Variants in ETV1 observed in about 807,000 individuals in gnomAD.
ETV1 encodes ETS translocation variant 1.
In ETV1, 27 loss-of-function variants were observed where a neutral mutation model predicts 62.3. The ratio of observed to expected loss-of-function variants is 0.43; its 90% CI spans 0.32 to 0.60. The LOEUF (loss-of-function observed/expected upper bound fraction) is 0.60, where lower values mean the gene tolerates loss of function less well. Ranked by LOEUF, ETV1 falls within the 20% of genes least tolerant of loss-of-function variation. ETV1 has a pLI of 0.06. For missense variants in ETV1, 605 were observed against 605.8 expected (o/e 1.00, Z 0.01); for synonymous variants, 222 against 199.6 (o/e 1.11, Z -0.94).
At chr7:13,909,473 A>G (rs1194177335) in intron 11 of ETV1, among the ~76,000 whole-genome samples, 159 bp downstream of exon 11, 1 of 152,188 alleles carries the variant, frequency 6.6e-6, no homozygotes, top group Non-Finnish European at 1.5e-5. Flanking sequence ...GGCAAGGAAG[A>G]GATAAATTGT....
intron 9 of ETV1, among the ~76,000 whole-genome samples, chr7:13,913,223 C>T (rs142949196): frequency 6.6e-6 from 1 of 152,198 alleles, no homozygotes; most frequent in Admixed American, 6.5e-5. Context: ...ACAACCGTAA[C>T]AAGCTGTAGT....
intron 6 of ETV1, among the ~76,000 whole-genome samples, chr7:13,948,344 A>G (rs2128469222): frequency 6.6e-6 from 1 of 152,332 alleles, no homozygotes; most frequent in East Asian, 1.9e-4. Context: ...TGTGAGTAGC[A>G]AACAATTACC....
intron 6 of ETV1, among the ~76,000 whole-genome samples, chr7:13,962,202 C>CACGT (rs1554308974): frequency 0.019 from 2,847 of 148,860 alleles, 90 homozygotes; most frequent in African/African-American, 0.067. Context: ...CACACACACA[C>CACGT]GTGTGTGTGT....
intron 6 of ETV1, among the ~76,000 whole-genome samples, chr7:13,976,668 T>C (rs1199038289): frequency 6.6e-6 from 1 of 152,220 alleles, no homozygotes; most frequent in Non-Finnish European, 1.5e-5. Flanking sequence ...CTTTGGTCAG[T>C]AGCAGCAGTT....
chr7:13,965,120 T>C (rs1790633455), intron 6 of ETV1, among the ~76,000 whole-genome samples: 1 of 152,172 alleles, frequency 6.6e-6, no homozygotes, highest in Admixed American at 6.5e-5. Flanking sequence ...ATACACCATG[T>C]CTGAAACATT....
chr7:13,925,628 C>G (rs142650368), intron 9 of ETV1, among the ~76,000 whole-genome samples: 7 of 151,118 alleles, frequency 4.6e-5, no homozygotes, highest in Admixed American at 2.0e-4. Context: ...TGCGGTGGCG[C>G]GATCTCAGCT....
intron 6 of ETV1, among the ~76,000 whole-genome samples, chr7:13,949,873 A>G (rs1033471662): frequency 2.0e-5 from 3 of 152,210 alleles, no homozygotes; most frequent in Admixed American, 2.0e-4. Context: ...ACCATAGCAC[A>G]GCAAGTTGAT....
At chr7:13,953,726 C>T (rs1789092445) in intron 6 of ETV1, among the ~76,000 whole-genome samples, 1 of 151,730 alleles carries the variant, frequency 6.6e-6, no homozygotes, top group Admixed American at 6.6e-5. Context: ...CTGCATCCCC[C>T]ACACCTCCAC....
chr7:13,986,180 G>A (rs749561595), intron 5 of ETV1: 11 of 1,591,180 alleles, frequency 6.9e-6, no homozygotes, highest in Non-Finnish European at 8.6e-6. Context: ...GAAGCATCCC[G>A]TCCTGATGAA....
intron 8 of ETV1, among the ~76,000 whole-genome samples, chr7:13,934,105 A>G (rs578087153): frequency 6.6e-6 from 1 of 152,326 alleles, no homozygotes; most frequent in East Asian, 1.9e-4. Flanking sequence ...TCAGCTCTGC[A>G]CAATGTCCAT....
chr7:13,921,645 G>A lies in ETV1; in HGVS notation c.802+9857C>T, dbSNP rs117525862. 5.7e-4 allele frequency among the ~76,000 whole-genome samples: 86 copies of A among 152,138 alleles called. 2 individuals carry two copies. In the East Asian group the frequency reaches 0.015, roughly 26 times the overall value. ...CAGTCTTTGGTTTTAAACCTGGGAA[G>A]GATTATTTATTATGGCATTATGACA... On this transcript the variant is annotated intron_variant, in intron 9 of 13. Transcript: ENST00000430479.
intron 9 of ETV1, among the ~76,000 whole-genome samples, chr7:13,918,563 A>C (rs536402498): frequency 6.6e-6 from 1 of 152,230 alleles, no homozygotes; most frequent in South Asian, 2.1e-4. Flanking sequence ...AAAAATGATG[A>C]GTTCATGTCC....
At chr7:13,937,976 G>A (rs1269899712) in intron 7 of ETV1, among the ~76,000 whole-genome samples, 3 of 152,092 alleles carry the variant, frequency 2.0e-5, no homozygotes, top group African/African-American at 7.2e-5. Flanking sequence ...ATGGAGTCTC[G>A]CTCTTGTTGC....
intron 6 of ETV1, among the ~76,000 whole-genome samples, chr7:13,955,402 A>G (rs1472322014): frequency 6.6e-6 from 1 of 152,302 alleles, no homozygotes; most frequent in East Asian, 1.9e-4. Flanking sequence ...AAAGCAGTCA[A>G]GTCCTTTTTT....
chr7:13,930,448 A>C (rs2128448392), intron 9 of ETV1, among the ~76,000 whole-genome samples: 1 of 152,090 alleles, frequency 6.6e-6, no homozygotes, highest in East Asian at 1.9e-4. Flanking sequence ...CAGCCTACCA[A>C]GTAGCTGGGA....
intron 9 of ETV1, among the ~76,000 whole-genome samples, chr7:13,912,843 G>T (rs1028275612): frequency 1.3e-5 from 2 of 152,162 alleles, no homozygotes; most frequent in African/African-American, 4.8e-5. Context: ...AGTGATATCA[G>T]TTAATTTATG....
chr7:13,973,779 A>G (rs766251053), intron 6 of ETV1, among the ~76,000 whole-genome samples: 2 of 152,166 alleles, frequency 1.3e-5, no homozygotes, highest in African/African-American at 4.8e-5. Context: ...TTAAAGTAAA[A>G]TAAACCTTCA....
intron 6 of ETV1, among the ~76,000 whole-genome samples, chr7:13,975,539 G>C (rs1781346605): frequency 6.9e-6 from 1 of 145,464 alleles, no homozygotes. Flanking sequence ...CTAGAGCCTG[G>C]GCAACAGGGT....
chr7:13,984,891 A>C (rs919227638), intron 5 of ETV1, among the ~76,000 whole-genome samples: 3 of 150,666 alleles, frequency 2.0e-5, no homozygotes, highest in African/African-American at 7.3e-5. Context: ...GCAATCACTT[A>C]TCTGAGCTAC....
Sources: gnomAD v4.1 joint callset for allele counts (sites outside exome capture counted in the v4.1 genomes callset) on GRCh38, gnomAD v4.1.1 for gene constraint, MANE v1.5 for transcripts, NCBI Gene and HGNC (gene_info 2026-07-23, HGNC 2026-07-21) for gene names.